SV2C: variants seen among roughly 807,000 people sequenced by gnomAD.
The protein encoded by SV2C is solute carrier family 22 member B3.
A neutral mutation model predicts 79.7 loss-of-function variants in SV2C; 49 were observed. The ratio of observed to expected loss-of-function variants is 0.61; its 90% confidence interval spans 0.49 to 0.78. SV2C has a LOEUF of 0.78. SV2C is among the 30% of genes least tolerant of loss of function. The pLI is 0.00. For missense variants in SV2C, 833 were observed against 912.9 expected, an observed-to-expected ratio of 0.91 and a Z score of 1.13; for synonymous variants, 334 against 333.2, an observed-to-expected ratio of 1.00 and a Z score of -0.03.
chr5:76,001,019 A>C, the SV2C span, among the ~76,000 whole-genome samples: 1,314 of 152,132 alleles, frequency 8.6e-3, 5 homozygotes, highest in Non-Finnish European at 0.014. Context: ...AAAAAAAAAA[A>C]AAACTAACAC....
chr5:76,235,117 AT>A (rs141037658), intron 4 of SV2C, among the ~76,000 whole-genome samples: 2,164 of 146,118 alleles, frequency 0.015, 39 homozygotes, highest in East Asian at 0.064. Context: ...GCTTTAAGTG[AT>A]TTTTTTTTTC....
intron 6 of SV2C, among the ~76,000 whole-genome samples, chr5:76,288,072 C>T (rs954256310): frequency 7.8e-5 from 11 of 140,688 alleles, no homozygotes; most frequent in South Asian, 2.2e-4. Flanking sequence ...CAACAGAGCA[C>T]GACTCCATCT....
intron 8 of SV2C, 82 bp downstream of exon 8, chr5:76,291,938 A>G (rs1160128168): frequency 9.9e-7 from 1 of 1,006,268 alleles, no homozygotes; most frequent in Non-Finnish European, 1.5e-6. Flanking sequence ...TTCTTTTCTG[A>G]TACTGCTTGA....
intron 12 of SV2C, among the ~76,000 whole-genome samples, chr5:76,316,351 G>A (rs932946746): frequency 2.0e-5 from 3 of 152,146 alleles, no homozygotes; most frequent in South Asian, 2.1e-4. Flanking sequence ...TTCATGTCAC[G>A]TGGAGCTTCT....
At chr5:76,134,068 G>A (rs965014939) in intron 2 of SV2C, among the ~76,000 whole-genome samples, 1 of 152,130 alleles carries the variant, frequency 6.6e-6, no homozygotes, top group African/African-American at 2.4e-5. Flanking sequence ...AGCACAGTAT[G>A]ACATACGGTT....
chr5:76,206,815 AT>A (rs1374331394), intron 3 of SV2C, among the ~76,000 whole-genome samples: 3 of 152,154 alleles, frequency 2.0e-5, no homozygotes, highest in African/African-American at 4.8e-5. Flanking sequence ...ACAAGGAGTA[AT>A]TTTTTCCCCA....
chr5:76,140,047 A>G (rs1749202037), intron 2 of SV2C, among the ~76,000 whole-genome samples: 1 of 152,140 alleles, frequency 6.6e-6, no homozygotes, highest in Non-Finnish European at 1.5e-5. Flanking sequence ...TTGGATAGAA[A>G]TGGAGTAGTT....
intron 1 of SV2C, among the ~76,000 whole-genome samples, chr5:76,097,600 A>G (rs956305126): frequency 3.3e-5 from 5 of 152,218 alleles, no homozygotes; most frequent in African/African-American, 1.2e-4. Context: ...ACCTTAAGGC[A>G]TTATGCTGAT....
chr5:75,920,808 G>A, the SV2C span: 3 of 771,648 alleles, frequency 3.9e-6, no homozygotes, highest in Non-Finnish European at 7.2e-6. Flanking sequence ...GGACTTGCCA[G>A]GCGAGACGTT....
the SV2C span, among the ~76,000 whole-genome samples, chr5:75,977,254 A>G: frequency 6.6e-6 from 1 of 152,150 alleles, no homozygotes; most frequent in Non-Finnish European, 1.5e-5. Context: ...AAAATGGGCC[A>G]GTTCTCAAAA....
chr5:75,893,962 A>G, the SV2C span, among the ~76,000 whole-genome samples: 4 of 152,106 alleles, frequency 2.6e-5, no homozygotes, highest in African/African-American at 9.7e-5. Flanking sequence ...GAATTGTGGG[A>G]GATGAAGCCA....
intron 4 of SV2C, among the ~76,000 whole-genome samples, chr5:76,278,906 G>A (rs1747099970): frequency 6.6e-6 from 1 of 152,230 alleles, no homozygotes; most frequent in Admixed American, 6.5e-5. Flanking sequence ...AAGAGTGACA[G>A]GGAGACCAAA....
At chr5:76,223,444 C>CATACATAT (rs1561271136) in intron 4 of SV2C, among the ~76,000 whole-genome samples, 4 of 45,784 alleles carry the variant, frequency 8.7e-5, no homozygotes, top group Non-Finnish European at 1.2e-4. Context: ...TACATACATA[C>CATACATAT]ATATATATAT....
At chr5:76,145,604 C>T (rs550169242) in intron 2 of SV2C, among the ~76,000 whole-genome samples, 1 of 152,290 alleles carries the variant, frequency 6.6e-6, no homozygotes, top group South Asian at 2.1e-4. Flanking sequence ...CAAAGGCCTG[C>T]CCTTAACCCA....
rs377275072 is a variant in SV2C at position 76,352,963 on chromosome 5, A to C, written c.2001-167A>C. On this transcript the variant is annotated intron_variant, in intron 12 of 12. Transcript: ENST00000322285. Reference sequence around the variant, plus strand: ...CTCTTTTTTTTTTTTTTTTCCTGAGACAAGGTCTTGCTCTGTTGCCCAGGC... The same window carrying C: ...CTCTTTTTTTTTTTTTTTTCCTGAGCCAAGGTCTTGCTCTGTTGCCCAGGC... Among the ~76,000 whole-genome samples the C allele has an allele frequency of 4.2e-4, 61 of 143,582 alleles. 1 individual carries two copies. The East Asian group carries it at 0.011, about 26-fold the overall frequency. The allele number at this position is 143,582 out of a possible 152,430, so 94.2% of individuals were successfully genotyped here. A position where few individuals can be genotyped will look rare whatever the true frequency, so the allele number is the denominator to read the frequency against.
chr5:76,302,222 C>T (rs1489194564), intron 12 of SV2C, among the ~76,000 whole-genome samples: 1 of 152,148 alleles, frequency 6.6e-6, no homozygotes, highest in East Asian at 1.9e-4. Context: ...CTTAGGTTTG[C>T]AGATGTGTCT....
chr5:75,913,213 CA>C, the SV2C span, among the ~76,000 whole-genome samples: 16 of 152,184 alleles, frequency 1.1e-4, 1 homozygote, highest in Admixed American at 9.2e-4. Context: ...TCCTAACCAG[CA>C]GGGTTAAAGT....
intron 12 of SV2C, among the ~76,000 whole-genome samples, chr5:76,314,042 C>T (rs967437459): frequency 6.6e-6 from 1 of 152,260 alleles, no homozygotes; most frequent in East Asian, 1.9e-4. Flanking sequence ...GAAATTATCA[C>T]CCAGACCTTA....
chr5:75,988,853 T>C, the SV2C span, among the ~76,000 whole-genome samples: 1 of 151,976 alleles, frequency 6.6e-6, no homozygotes, highest in South Asian at 2.1e-4. Flanking sequence ...AATTCTCCTT[T>C]ACTGGAGTAA....
Sources: allele counts gnomAD v4.1 joint callset (sites outside exome capture counted in the v4.1 genomes callset), GRCh38; gene constraint gnomAD v4.1.1; transcripts MANE v1.5; gene names NCBI Gene and HGNC (gene_info 2026-07-23, HGNC 2026-07-21).